The following TDRKH variants were observed in gnomAD, a reference collection of about 807,000 sequenced individuals.
TDRKH encodes the protein tudor and KH domain-containing protein.
A neutral mutation model predicts 61.3 loss-of-function variants in TDRKH; 28 were observed. The observed-to-expected ratio is 0.46, with a 90% CI of 0.34 to 0.63. The LOEUF is 0.63. Among genes scored for constraint, TDRKH ranks in the 20% least tolerant of loss-of-function variants. The probability of loss-of-function intolerance (pLI) is 0.01; values close to 1 mark genes in which losing one functional copy is unlikely to be tolerated. For missense variants in TDRKH, 540 were observed against 683.4 expected, an observed-to-expected ratio of 0.79 and a Z score of 2.34; for synonymous variants, 219 against 244.4, an observed-to-expected ratio of 0.90 and a Z score of 0.97.
rs571563528 is a variant in TDRKH at position 151,776,491 on chromosome 1, A to G, written c.992T>C (p.Leu331Pro). The G allele has an allele frequency of 1.2e-6, 2 of 1,614,222 alleles. No individual in the cohort carries two copies. Among genetic ancestry groups the G allele is most frequent in the East Asian group, 4.5e-5 (2 of 44,896 alleles). Reference protein sequence around the residue: ...FWIQIVGSRSLQLDKLVNEMT... With the variant: ...FWIQIVGSRSPQLDKLVNEMT... ...CTCATTGACAAGCTTATCCAATTGCAGGCTGCGGGAGCCAACGATCTGGAT... is the reference window on the plus strand; with the variant it reads ...CTCATTGACAAGCTTATCCAATTGCGGGCTGCGGGAGCCAACGATCTGGAT... The change falls in exon 7 of 13, where the codon CTG becomes CCG. Residue 331 changes from leucine to proline, a missense_variant. Around this residue, in one of 3 missense-constraint regions of TDRKH, gnomAD observed 379 missense variants for 443.8 expected, o/e 0.85. Coordinates refer to ENST00000368824, the MANE Select transcript of TDRKH (RefSeq NM_001083965.2).
downstream of TDRKH, among the ~76,000 whole-genome samples, chr1:151,768,661 G>A (rs372941433): frequency 1.4e-4 from 21 of 152,300 alleles, no homozygotes; most frequent in South Asian, 4.4e-3. Context: ...TTCTGAGTTG[G>A]CCAAATTTTT....
chr1:151,775,235 A>C, intron 10 of TDRKH, 69 bp from the exon 11 acceptor site: 1 of 1,574,304 alleles, frequency 6.4e-7, no homozygotes. Context: ...GAAACAAGGC[A>C]GAAGGACTGA....
At chr1:151,768,014 G>C, downstream of TDRKH, 1 of 1,609,578 alleles carries the variant, frequency 6.2e-7, no homozygotes, top group South Asian at 1.1e-5. Flanking sequence ...ATCTGCCTGA[G>C]GTCTGATTTG....
At chr1:151,779,879 C>A (rs1649582234) in intron 4 of TDRKH, 72 bp downstream of exon 4, 1 of 1,481,290 alleles carries the variant, frequency 6.8e-7, no homozygotes, top group East Asian at 2.3e-5. Flanking sequence ...CCAGAAAAAA[C>A]CCTGGGAAGG....
chr1:151,776,615 A>G lies in TDRKH; in HGVS notation c.884-16T>C. ...GGACTGGGGACTGAACACAGAGATA[A>G]GGATGGTGGCCACATCAGACCCATC... On this transcript the variant is annotated splice_polypyrimidine_tract_variant and intron_variant, in intron 6 of 12. Transcript: ENST00000368824. The G allele has an allele frequency of 6.2e-7, 1 of 1,613,414 alleles. No homozygotes were observed. The highest frequency in any genetic ancestry group is 8.5e-7 in the Non-Finnish European group (1 of 1,179,480).
At chr1:151,782,736 C>G (rs562010480) in intron 2 of TDRKH, 163 bp downstream of exon 2, 1 of 826,562 alleles carries the variant, frequency 1.2e-6, no homozygotes, top group Admixed American at 3.6e-5. Flanking sequence ...TGCCACTGTA[C>G]GCCAGGCTAG....
downstream of TDRKH, among the ~76,000 whole-genome samples, chr1:151,767,699 C>T (rs113209461): frequency 5.4e-3 from 819 of 152,134 alleles, 8 homozygotes; most frequent in African/African-American, 0.018. Flanking sequence ...TAGAGAAAAC[C>T]CATATAATGA....
At chr1:151,769,341 C>CACCT (rs1648526690), downstream of TDRKH, 1 of 151,682 alleles carries the variant, frequency 6.6e-6, no homozygotes. Flanking sequence ...GGCTGCCCCC[C>CACCT]ACCTCCCGGA....
chr1:151,775,020 TAGATTTGCCTGGAA>T, intron 11 of TDRKH, 31 bp downstream of exon 11: 1 of 1,590,620 alleles, frequency 6.3e-7, no homozygotes, highest in Non-Finnish European at 8.6e-7. Context: ...GTCTATGTGC[TAGATTTGCCTGGAA>T]GCAGCACCCT....
intron 1 of TDRKH, among the ~76,000 whole-genome samples, chr1:151,787,332 C>T (rs1650414959): frequency 6.6e-6 from 1 of 152,190 alleles, no homozygotes; most frequent in Non-Finnish European, 1.5e-5. Context: ...GATTCTTCTG[C>T]CTCAGCCTAA....
intron 1 of TDRKH, among the ~76,000 whole-genome samples, chr1:151,789,521 G>T (rs964055835): frequency 6.6e-6 from 1 of 152,222 alleles, no homozygotes; most frequent in African/African-American, 2.4e-5. Context: ...GAGGATCATT[G>T]TTCAGTGAGG....
At chr1:151,788,128 G>A (rs1353844744) in intron 1 of TDRKH, among the ~76,000 whole-genome samples, 3 of 152,224 alleles carry the variant, frequency 2.0e-5, no homozygotes, top group Non-Finnish European at 4.4e-5. Flanking sequence ...ATAACGAAGG[G>A]AGGGACAACT....
At chr1:151,766,993 G>C, downstream of TDRKH, 1 of 1,359,286 alleles carries the variant, frequency 7.4e-7, no homozygotes, top group Non-Finnish European at 1.0e-6. Context: ...AACAGAATAG[G>C]GGGTGGAAAG....
chr1:151,782,751 C>A lies in TDRKH; in HGVS notation c.124+148G>T, dbSNP rs1035272522. On this transcript the variant is annotated intron_variant, in intron 2 of 12. Coordinates refer to ENST00000368824, the MANE Select transcript of TDRKH (RefSeq NM_001083965.2). ...TGCCACTGTACGCCAGGCTAGGTGA[C>A]AGAGTGAGACCCTGTCTCAAAAAAA... The A allele has an allele frequency of 1.6e-5, 16 of 1,023,294 alleles. No individual in the cohort carries two copies. In the African/African-American group the frequency reaches 2.3e-4, roughly 15 times the overall value. The allele number at this position is 1,023,294 out of a possible 1,614,324, so 63.4% of individuals were successfully genotyped here.
At chr1:151,779,875 A>G (rs893029065) in intron 4 of TDRKH, 76 bp downstream of exon 4, 7 of 1,464,202 alleles carry the variant, frequency 4.8e-6, no homozygotes, top group Admixed American at 2.2e-5. Flanking sequence ...TAGGCCAGAA[A>G]AAACCCTGGG....
intron 1 of TDRKH, among the ~76,000 whole-genome samples, chr1:151,785,613 T>C (rs926530843): frequency 4.6e-5 from 7 of 152,192 alleles, no homozygotes; most frequent in African/African-American, 1.7e-4. Flanking sequence ...ATTAATCCCA[T>C]AGAAGAGTAC....
chr1:151,767,243 C>T (rs377052736), downstream of TDRKH: 25 of 1,613,864 alleles, frequency 1.5e-5, no homozygotes, highest in Middle Eastern at 1.6e-4. Context: ...AGTAGGCCTC[C>T]AGGAGGGCAA....
downstream of TDRKH, chr1:151,767,022 A>G (rs564268105): frequency 1.4e-6 from 2 of 1,408,270 alleles, no homozygotes; most frequent in Admixed American, 4.1e-5. Flanking sequence ...GAACTTTAGA[A>G]TTTTTCCATC....
At chr1:151,767,284 T>G (rs771699139), downstream of TDRKH, 6 of 1,613,614 alleles carry the variant, frequency 3.7e-6, no homozygotes, top group African/African-American at 8.0e-5. Flanking sequence ...ACGACCAGCT[T>G]AAAGAACTGT....
Sources: gnomAD v4.1 joint callset for allele counts (sites outside exome capture counted in the v4.1 genomes callset) on GRCh38, gnomAD v4.1.1 for gene constraint, gnomAD v4.1.1 regional missense constraint, MANE v1.5 for transcripts, NCBI Gene and HGNC (gene_info 2026-07-23, HGNC 2026-07-21) for gene names.